TRIM44: variants seen among roughly 807,000 people sequenced by gnomAD.
TRIM44 encodes the protein tripartite motif containing 44.
TRIM44 carries 13 observed loss-of-function variants against 37.4 expected under a neutral mutation model. The ratio of observed to expected loss-of-function variants is 0.35; its 90% confidence interval spans 0.23 to 0.55. The LOEUF is 0.55. Among genes scored for constraint, TRIM44 ranks in the 20% least tolerant of loss-of-function variants. The pLI, the probability that TRIM44 is intolerant of heterozygous loss-of-function variation, is 0.89. For missense variants in TRIM44, 426 were observed against 437.2 expected, an observed-to-expected ratio of 0.97 and a Z score of 0.23; for synonymous variants, 175 against 157.2, an observed-to-expected ratio of 1.11 and a Z score of -0.85.
chr11:35,720,200 T>C (rs1852084309), intron 2 of TRIM44, among the ~76,000 whole-genome samples: 1 of 152,230 alleles, frequency 6.6e-6, no homozygotes, highest in Non-Finnish European at 1.5e-5. Flanking sequence ...TTTGAATTCT[T>C]ATATTAGAGT....
At chr11:35,756,404 G>A (rs2133856502) in intron 4 of TRIM44, among the ~76,000 whole-genome samples, 1 of 152,202 alleles carries the variant, frequency 6.6e-6, no homozygotes, top group Non-Finnish European at 1.5e-5. Flanking sequence ...GGAGATTTTG[G>A]GCTGAGACGA....
chr11:35,705,207 G>A (rs1261453841), intron 2 of TRIM44, among the ~76,000 whole-genome samples: 1 of 151,246 alleles, frequency 6.6e-6, no homozygotes, highest in Non-Finnish European at 1.5e-5. Flanking sequence ...AACAAGAAGA[G>A]CTAACTATCC....
At chr11:35,750,937 T>TA (rs1396778684) in intron 4 of TRIM44, among the ~76,000 whole-genome samples, 306 of 146,242 alleles carry the variant, frequency 2.1e-3, no homozygotes, top group African/African-American at 3.5e-3. Flanking sequence ...AAATTGCCAT[T>TA]AAAAAAAAAA....
rs1853529884 is a variant in TRIM44 at position 35,811,791 on chromosome 11, T to TTATC, written c.*5408_*5411dup. 6.6e-6 allele frequency: 1 copy of TTATC among 152,192 alleles called. No individual in the cohort carries two copies. Among genetic ancestry groups the TTATC allele is most frequent in the African/African-American group, 2.4e-5 (1 of 41,444 alleles). 9.4% of individuals were successfully genotyped at this position (152,192 alleles called of 1,614,324 possible). On this transcript the variant is annotated 3_prime_UTR_variant, in exon 5 of 5. Coordinates refer to ENST00000299413, the MANE Select transcript of TRIM44 (RefSeq NM_017583.6). ...TCCTCTAAATTTTCTTTTAACACAT[T>TTATC]TATCTTCATCAGACCCTTTTAGTTA...
At chr11:35,804,059 G>A (rs1219816196) in intron 4 of TRIM44, among the ~76,000 whole-genome samples, 1 of 151,332 alleles carries the variant, frequency 6.6e-6, no homozygotes, top group African/African-American at 2.4e-5. Context: ...TAAAGTCCTA[G>A]AGGGCAACTC....
Position 35,807,217 on chromosome 11 carries a change from C to T in TRIM44, c.*832C>T, listed in dbSNP as rs373417708. 9.9e-5 allele frequency: 15 copies of T among 152,212 alleles called. No individual in the cohort carries two copies. In the South Asian group the frequency reaches 1.0e-3, roughly 11 times the overall value. The allele number at this position is 152,212 out of a possible 1,614,324, so 9.4% of individuals were successfully genotyped here. A position where few individuals can be genotyped will look rare whatever the true frequency, so the allele number is the denominator to read the frequency against. ...TGCAGGTTTTATGGGCTTGTCACAA[C>T]GTGAAGGGCTGGAATGTATATTACC... On this transcript the variant is annotated 3_prime_UTR_variant, in exon 5 of 5. Transcript: ENST00000299413.
intron 4 of TRIM44, among the ~76,000 whole-genome samples, chr11:35,792,049 A>G (rs1444846899): frequency 7.1e-6 from 1 of 141,014 alleles, no homozygotes; most frequent in Non-Finnish European, 1.5e-5. Context: ...TCTTAATACC[A>G]TCCCTTCCTG....
Position 35,686,580 on chromosome 11 carries a change from G to A in TRIM44, c.747+1244G>A, listed in dbSNP as rs547921871. Among the ~76,000 whole-genome samples, 53 of 151,584 alleles carry A rather than the reference G, an allele frequency of 3.5e-4. 1 individual carries two copies. The highest frequency in any genetic ancestry group is 1.1e-3 in the African/African-American group (47 of 41,326). ...TTTTTGTTTTTTGTTTTTTTGAGAC[G>A]GAATCTCGCTCTGATGCCCAGGTTG... is the stretch of plus-strand genomic sequence containing the variant. On this transcript the variant is annotated intron_variant, in intron 2 of 4. Coordinates refer to ENST00000299413, the MANE Select transcript of TRIM44 (RefSeq NM_017583.6).
At chr11:35,770,329 C>T (rs1047392679) in intron 4 of TRIM44, among the ~76,000 whole-genome samples, 4 of 152,154 alleles carry the variant, frequency 2.6e-5, no homozygotes, top group African/African-American at 9.7e-5. Flanking sequence ...AGGTTGATTC[C>T]ATGTCTTTGC....
At chr11:35,673,295 A>C (rs1251796804) in intron 1 of TRIM44, among the ~76,000 whole-genome samples, 1 of 152,176 alleles carries the variant, frequency 6.6e-6, no homozygotes, top group Non-Finnish European at 1.5e-5. Context: ...CATCCTGTGA[A>C]GATCTAGGGA....
At chr11:35,665,586 GTTTTTTTT>G (rs35522287) in intron 1 of TRIM44, among the ~76,000 whole-genome samples, 1 of 71,518 alleles carries the variant, frequency 1.4e-5, no homozygotes, top group Admixed American at 1.4e-4. Context: ...TTATATATCT[GTTTTTTTT>G]TTTTTTTTTT....
intron 4 of TRIM44, among the ~76,000 whole-genome samples, chr11:35,757,596 G>A (rs543420871): frequency 1.3e-5 from 2 of 152,166 alleles, no homozygotes; most frequent in African/African-American, 4.8e-5. Flanking sequence ...ATGTTAGGGT[G>A]TCAATTTTGG....
chr11:35,782,879 A>G (rs914610373), intron 4 of TRIM44, among the ~76,000 whole-genome samples: 1 of 152,234 alleles, frequency 6.6e-6, no homozygotes, highest in Non-Finnish European at 1.5e-5. Flanking sequence ...TGCCAAATAT[A>G]TAATTTCATT....
chr11:35,739,394 T>C (rs1388952679), intron 4 of TRIM44, among the ~76,000 whole-genome samples: 6 of 152,190 alleles, frequency 3.9e-5, no homozygotes, highest in Non-Finnish European at 5.9e-5. Flanking sequence ...TCAGCCACCA[T>C]GTGGACTATC....
At chr11:35,718,698 AATCCTCTGTGCTCTGCCTTTTT>A (rs1852066168) in intron 2 of TRIM44, among the ~76,000 whole-genome samples, 1 of 152,080 alleles carries the variant, frequency 6.6e-6, no homozygotes, top group Admixed American at 6.5e-5. Flanking sequence ...CTGCCCTAAA[AATCCTCTGTGCTCTGCCTTTTT>A]ATTTTCCCTT....
intron 1 of TRIM44, among the ~76,000 whole-genome samples, chr11:35,669,851 C>T (rs1002280926): frequency 2.6e-5 from 4 of 151,922 alleles, no homozygotes; most frequent in African/African-American, 9.7e-5. Context: ...GAGATAGAGC[C>T]TCATTCTGTT....
intron 4 of TRIM44, among the ~76,000 whole-genome samples, chr11:35,781,311 T>A (rs1853063075): frequency 6.6e-6 from 1 of 152,196 alleles, no homozygotes; most frequent in Non-Finnish European, 1.5e-5. Flanking sequence ...AATGATATGG[T>A]ATTATTCGGC....
At position 35,704,452 on chromosome 11, in the gene TRIM44, A is replaced by G. The variant is rs1028454819; in HGVS notation, c.747+19116A>G. ...CTCGAGAAGAGCAACTCCAAGACAC[A>G]TAATTGTCAGATTCACCAAAGTTGA... On this transcript the variant is annotated intron_variant, in intron 2 of 4. Transcript: ENST00000299413. Among the ~76,000 whole-genome samples, 279 of 152,322 alleles carry G rather than the reference A, an allele frequency of 1.8e-3. 2 individuals carry two copies. Among genetic ancestry groups the G allele is most frequent in the African/African-American group, 6.4e-3 (268 of 41,556 alleles).
intron 1 of TRIM44, 110 bp downstream of exon 1, chr11:35,663,890 G>A (rs987313879): frequency 7.5e-7 from 1 of 1,336,650 alleles, no homozygotes; most frequent in African/African-American, 1.5e-5. Context: ...TAAGAAGCTA[G>A]TCTTTCCAAC....
Sources: gnomAD v4.1 joint callset for allele counts (sites outside exome capture counted in the v4.1 genomes callset) on GRCh38, gnomAD v4.1.1 for gene constraint, MANE v1.5 for transcripts, NCBI Gene and HGNC (gene_info 2026-07-23, HGNC 2026-07-21) for gene names.